RANBP2: variants seen among roughly 807,000 people sequenced by gnomAD.
The protein encoded by RANBP2 is RAN binding protein 2, also known as E3 SUMO-protein ligase RanBP2.
Under a neutral mutation model 303.6 loss-of-function variants are expected in RANBP2, and 57 were observed. The observed-to-expected ratio is 0.19, with a 90% CI of 0.15 to 0.23. The LOEUF is 0.23. RANBP2 is among the 10% of genes least tolerant of loss of function. The pLI is 1.00. For synonymous variants in RANBP2, 1,167 were observed against 1,301.5 expected, an observed-to-expected ratio of 0.90 and a Z score of 2.23; for missense variants, 3,138 against 3,780.8, an observed-to-expected ratio of 0.83 and a Z score of 4.46.
At chr2:109,371,001 T>G in the RANBP2 span, among the ~76,000 whole-genome samples, 21 of 152,244 alleles carry the variant, frequency 1.4e-4, no homozygotes, top group African/African-American at 4.3e-4. Context: ...TTTCATTAAA[T>G]AAATAATAGG....
chr2:108,837,072 T>C, the RANBP2 span, among the ~76,000 whole-genome samples: 1 of 152,212 alleles, frequency 6.6e-6, no homozygotes, highest in Non-Finnish European at 1.5e-5. Context: ...TTTCACTGGC[T>C]GGTACTATAG....
At chr2:109,397,209 C>CA in the RANBP2 span, among the ~76,000 whole-genome samples, 155 of 152,280 alleles carry the variant, frequency 1.0e-3, 5 homozygotes, top group East Asian at 0.021. Context: ...GGAGAAAACT[C>CA]AGAGACAGCT....
At chr2:109,676,825 T>C in the RANBP2 span, among the ~76,000 whole-genome samples, 1 of 152,170 alleles carries the variant, frequency 6.6e-6, no homozygotes, top group Non-Finnish European at 1.5e-5. Context: ...ACAATCTTCT[T>C]GAGAGAGGGT....
chr2:109,319,889 A>G, the RANBP2 span, among the ~76,000 whole-genome samples: 1 of 152,350 alleles, frequency 6.6e-6, no homozygotes, highest in East Asian at 1.9e-4. Flanking sequence ...TTTGGGACCT[A>G]GAAATCCCCC....
chr2:109,410,001 C>T, the RANBP2 span, among the ~76,000 whole-genome samples: 1 of 152,124 alleles, frequency 6.6e-6, no homozygotes, highest in Admixed American at 6.5e-5. Context: ...GAAAGAGACT[C>T]GGAGCCCCCG....
intron 1 of RANBP2, among the ~76,000 whole-genome samples, chr2:108,727,068 A>G (rs548926451): frequency 6.6e-6 from 1 of 152,250 alleles, no homozygotes; most frequent in East Asian, 1.9e-4. Context: ...CCGATTTCTC[A>G]ATCTTTTCCC....
chr2:109,597,638 C>G, the RANBP2 span, among the ~76,000 whole-genome samples: 1 of 152,064 alleles, frequency 6.6e-6, no homozygotes, highest in Non-Finnish European at 1.5e-5. Context: ...CACACACACA[C>G]AAAACCATAT....
the RANBP2 span, among the ~76,000 whole-genome samples, chr2:109,114,628 T>C: frequency 2.9e-4 from 44 of 152,104 alleles, no homozygotes; most frequent in East Asian, 8.5e-3. Context: ...GTGTCTCTAT[T>C]TCCTTCAGTT....
At chr2:108,896,676 C>G in the RANBP2 span, 1 of 558,846 alleles carries the variant, frequency 1.8e-6, no homozygotes, top group South Asian at 2.4e-5. Context: ...GATATTTACT[C>G]TGCCTGGTGA....
chr2:109,230,780 A>G, the RANBP2 span, among the ~76,000 whole-genome samples: 8 of 152,204 alleles, frequency 5.3e-5, no homozygotes, highest in Admixed American at 5.2e-4. Context: ...ACATGACCCT[A>G]TCATAAGTGC....
In RANBP2 at chr2:108,771,758, A is replaced by G. The variant is rs1677512617; in HGVS notation, c.7907A>G (p.Tyr2636Cys). Residue 2636 changes from tyrosine to cysteine, a missense_variant, in exon 21 of 29, where the codon TAT (tyrosine) becomes TGT (cysteine). By Grantham distance (194) the Tyr-to-Cys change is radical. This residue lies in a region of RANBP2 where 497 missense variants were observed against 465.8 expected (regional missense o/e 1.07). Coordinates refer to ENST00000283195, the MANE Select transcript of RANBP2 (RefSeq NM_006267.5). ...SPSDDDVLIVYELTPTAEQKA... is the reference protein window; with the variant it reads ...SPSDDDVLIVCELTPTAEQKA... ...TCAGATGATGATGTTCTCATTGTAT[A>G]TGAACTAACTCCAACCGCTGAGCAG... 21 of 1,614,018 alleles carry G rather than the reference A, an allele frequency of 1.3e-5. No homozygotes were observed. Among genetic ancestry groups the G allele is most frequent in the Non-Finnish European group, 1.7e-5 (20 of 1,179,954 alleles).
the RANBP2 span, among the ~76,000 whole-genome samples, chr2:109,101,958 C>T: frequency 6.6e-6 from 1 of 152,286 alleles, no homozygotes; most frequent in Non-Finnish European, 1.5e-5. Flanking sequence ...TGCTTGACAG[C>T]TCTCAGGTGG....
the RANBP2 span, among the ~76,000 whole-genome samples, chr2:109,364,367 T>C: frequency 2.6e-5 from 4 of 152,250 alleles, no homozygotes; most frequent in Non-Finnish European, 5.9e-5. Flanking sequence ...ACCCATCTGT[T>C]CTTACATGCT....
chr2:109,036,860 C>T, the RANBP2 span, among the ~76,000 whole-genome samples: 1 of 152,044 alleles, frequency 6.6e-6, no homozygotes. Flanking sequence ...ATACAAAAAT[C>T]AGGCTGGGCA....
the RANBP2 span, among the ~76,000 whole-genome samples, chr2:108,989,822 G>GT: frequency 6.6e-6 from 1 of 151,596 alleles, no homozygotes; most frequent in South Asian, 2.1e-4. Flanking sequence ...GATTGGGGGG[G>GT]GGAAAACAGC....
intron 2 of RANBP2, among the ~76,000 whole-genome samples, chr2:108,730,191 T>A (rs1189021158): frequency 7.4e-6 from 1 of 135,854 alleles, no homozygotes; most frequent in Non-Finnish European, 1.5e-5. Context: ...CTGATCGTAA[T>A]ACTGTCAAGG....
the RANBP2 span, among the ~76,000 whole-genome samples, chr2:109,038,264 A>G: frequency 6.6e-6 from 1 of 152,230 alleles, no homozygotes; most frequent in Non-Finnish European, 1.5e-5. Context: ...GTCTCAAACC[A>G]TATACAAATA....
At chr2:109,615,288 C>A in the RANBP2 span, 1 of 1,594,878 alleles carries the variant, frequency 6.3e-7, no homozygotes, top group South Asian at 1.1e-5. Context: ...GCTGGACCCC[C>A]TGGAGCACGC....
chr2:109,323,638 G>A, the RANBP2 span, among the ~76,000 whole-genome samples: 1 of 152,188 alleles, frequency 6.6e-6, no homozygotes, highest in Non-Finnish European at 1.5e-5. Flanking sequence ...TGGGGTTTTG[G>A]TGAGGTTGAG....
Sources: gnomAD v4.1 joint callset for allele counts (sites outside exome capture counted in the v4.1 genomes callset) on GRCh38, gnomAD v4.1.1 for gene constraint, gnomAD v4.1.1 regional missense constraint, MANE v1.5 for transcripts, NCBI Gene and HGNC (gene_info 2026-07-23, HGNC 2026-07-21) for gene names.